STC1: variants seen among roughly 807,000 people sequenced by gnomAD.
The protein encoded by STC1 is stanniocalcin-1.
Under a neutral mutation model 22.6 loss-of-function variants are expected in STC1, and 7 were observed. That is an observed-to-expected ratio of 0.31 (90% CI 0.18 to 0.58). The LOEUF (loss-of-function observed/expected upper bound fraction) is 0.58. Ranked by LOEUF, STC1 falls within the 20% of genes least tolerant of loss-of-function variation. The pLI is 0.89. For synonymous variants in STC1, 113 were observed against 120.7 expected (o/e 0.94, Z 0.42); for missense variants, 224 against 311.0 (o/e 0.72, Z 2.10).
chr8:23,854,134 G>A, intron 1 of STC1: 1 of 1,272,342 alleles, frequency 7.9e-7, no homozygotes, highest in Non-Finnish European at 1.0e-6. Context: ...CCCCCTCCAA[G>A]AGGGTACGTG....
At chr8:23,848,556 A>G (rs1461561705) in intron 3 of STC1, among the ~76,000 whole-genome samples, 1 of 144,062 alleles carries the variant, frequency 6.9e-6, no homozygotes, top group African/African-American at 2.6e-5. Context: ...AAAAAAAAAA[A>G]GAAGAAGAAG....
intron 1 of STC1, 21 bp from the exon 2 acceptor site, chr8:23,852,405 C>T: frequency 6.4e-7 from 1 of 1,571,084 alleles, no homozygotes; most frequent in Non-Finnish European, 8.6e-7. Flanking sequence ...CAAATCCATC[C>T]ATTCTGGGTC....
rs1205494479 is a variant in STC1, at chr8:23,844,835, T to C, written c.679A>G (p.Arg227Gly). Reference protein sequence around the residue: ...NEPQKLKVLLRNLRGEEDSPS... With the variant: ...NEPQKLKVLLGNLRGEEDSPS... ...GAGTCCTCCTCACCTCGGAGGTTCC[T>C]GAGGAGGACTTTCAGCTTCTGCGGC... Residue 227 changes from arginine (R) to glycine (G), a missense_variant, in exon 4 of 4, where the codon AGG becomes GGG. By Grantham distance (125) the Arg-to-Gly change is moderately radical (BLOSUM62 -2). Coordinates refer to ENST00000290271, the MANE Select transcript of STC1 (RefSeq NM_003155.3). The C allele has an allele frequency of 6.2e-7, 1 of 1,614,014 alleles. No homozygotes were observed. Among genetic ancestry groups the C allele is most frequent in the East Asian group, 2.2e-5 (1 of 44,858 alleles).
At chr8:23,852,865 G>T (rs73553080) in intron 1 of STC1, among the ~76,000 whole-genome samples, 70 of 152,252 alleles carry the variant, frequency 4.6e-4, no homozygotes, top group African/African-American at 1.6e-3. Context: ...AGTCTAAATG[G>T]CAGAGAAGAC....
chr8:23,842,177 A>C lies in STC1; in HGVS notation c.*2593T>G, dbSNP rs1802518698. ...TCAGCCAAAAACCTAAATATCATTTAAATTATAAATACATAATGCAAATAT... is the reference window on the plus strand; with the variant it reads ...TCAGCCAAAAACCTAAATATCATTTCAATTATAAATACATAATGCAAATAT... On this transcript the variant is annotated 3_prime_UTR_variant, in exon 4 of 4. Coordinates refer to ENST00000290271, the MANE Select transcript of STC1 (RefSeq NM_003155.3). The C allele has an allele frequency of 6.6e-6, 1 of 152,620 alleles. No individual in the cohort carries two copies. Among genetic ancestry groups the C allele is most frequent in the Admixed American group, 6.5e-5 (1 of 15,282 alleles). The allele number at this position is 152,620 out of a possible 1,614,324, so 9.5% of individuals were successfully genotyped here.
rs1042777987 is a variant in STC1, at chr8:23,851,393, C to T, written c.400G>A (p.Val134Met). ...GGGTTCCGCTTGGCGATGCTGCACA[C>T]ATTCAGCTTGCTGTAGCACTCTTCC... ...VQEECYSKLN[V>M]CSIAKRNPEA... is the part of the protein sequence containing the mutation. Residue 134 changes from valine to methionine, a missense_variant, in exon 3 of 4, where the codon GTG becomes ATG. Physicochemically the swap from Val to Met is conservative, Grantham distance 21. Coordinates refer to ENST00000290271, the MANE Select transcript of STC1 (RefSeq NM_003155.3). The T allele has an allele frequency of 6.2e-7, 1 of 1,614,176 alleles. No homozygotes were observed. Among genetic ancestry groups the T allele is most frequent in the Non-Finnish European group, 8.5e-7 (1 of 1,180,046 alleles).
chr8:23,845,519 G>A, intron 3 of STC1, among the ~76,000 whole-genome samples: 1 of 151,886 alleles, frequency 6.6e-6, no homozygotes, highest in East Asian at 1.9e-4. Context: ...ATGCTTTTTT[G>A]TAATTTTCCT....
chr8:23,843,531 T>C lies in STC1; in HGVS notation c.*1239A>G, dbSNP rs1802538953. On this transcript the variant is annotated 3_prime_UTR_variant, in exon 4 of 4. Coordinates refer to ENST00000290271, the MANE Select transcript of STC1 (RefSeq NM_003155.3). ...TAATGGAAAGTCTCCCACCCCATCA[T>C]CATTTGCCAGAGTACCAGGCACCGA... 2.6e-5 allele frequency: 4 copies of C among 152,738 alleles called. No individual in the cohort carries two copies. The allele number at this position is 152,738 out of a possible 1,614,324, so 9.5% of individuals were successfully genotyped here. A position where few individuals can be genotyped will look rare whatever the true frequency, so the allele number is the denominator to read the frequency against.
At chr8:23,851,112 TC>T (rs1404001740) in intron 3 of STC1, among the ~76,000 whole-genome samples, 1 of 151,960 alleles carries the variant, frequency 6.6e-6, no homozygotes, top group Non-Finnish European at 1.5e-5. Flanking sequence ...AAAAGACTTT[TC>T]CTATAACAGT....
Position 23,848,645 on chromosome 8 carries a change from C to A in STC1, c.473+2675G>T, listed in dbSNP as rs142599815. 3.1e-3 allele frequency among the ~76,000 whole-genome samples: 470 copies of A among 151,674 alleles called. 1 individual carries two copies. Among genetic ancestry groups the A allele is most frequent in the African/African-American group, 0.011 (454 of 41,406 alleles). On this transcript the variant is annotated intron_variant, in intron 3 of 3. Coordinates refer to ENST00000290271, the MANE Select transcript of STC1 (RefSeq NM_003155.3). ...TGGACTAAGTGTTCTGATCACCCAG[C>A]CCGAAAGGACCTTTTTAATTATGTT...
chr8:23,854,461 C>G lies in STC1; in HGVS notation c.63G>C (p.Ala21=). The G allele has an allele frequency of 2.5e-6, 4 of 1,614,176 alleles. No individual in the cohort carries two copies. The highest frequency in any genetic ancestry group is 3.4e-6 in the Non-Finnish European group (4 of 1,180,040). Residue 21 remains alanine, a synonymous_variant, in exon 1 of 4, where the codon GCG becomes GCC. Coordinates refer to ENST00000290271, the MANE Select transcript of STC1 (RefSeq NM_003155.3). Reference sequence around the variant, plus strand: ...TGGGGCTCACAGAGTCATTCTGCTCCGCCTCATGGGTTGCAGAAGCACTGA... The same window carrying G: ...TGGGGCTCACAGAGTCATTCTGCTCGGCCTCATGGGTTGCAGAAGCACTGA... ...LVISASATHE[A]EQNDSVSPRK...
chr8:23,849,473 A>G (rs1802611063), intron 3 of STC1, among the ~76,000 whole-genome samples: 1 of 152,154 alleles, frequency 6.6e-6, no homozygotes, highest in Non-Finnish European at 1.5e-5. Context: ...AGATAAGAAG[A>G]CTTTCTTTGT....
Position 23,845,799 on chromosome 8 carries a change from G to T in STC1, c.474-759C>A, listed in dbSNP as rs1429212597. ...AATGGAAATATTGGTGGTTTTTAAG[G>T]GTTCATGCTACTATAATTCATGAAT... On this transcript the variant is annotated intron_variant, in intron 3 of 3. Transcript: ENST00000290271. Among the ~76,000 whole-genome samples, 3 of 152,070 alleles carry T rather than the reference G, an allele frequency of 2.0e-5. No homozygotes were observed. In the East Asian group the frequency reaches 5.8e-4, roughly 29 times the overall value.
At chr8:23,848,876 C>T (rs2117740900) in intron 3 of STC1, among the ~76,000 whole-genome samples, 1 of 152,308 alleles carries the variant, frequency 6.6e-6, no homozygotes, top group East Asian at 1.9e-4. Context: ...CCTATCCATG[C>T]CCTAGAGAGT....
At chr8:23,846,077 A>G (rs901895542) in intron 3 of STC1, among the ~76,000 whole-genome samples, 2 of 152,192 alleles carry the variant, frequency 1.3e-5, no homozygotes, top group Non-Finnish European at 2.9e-5. Flanking sequence ...ATGGAGTTTT[A>G]AGAATATAAT....
intron 3 of STC1, among the ~76,000 whole-genome samples, chr8:23,845,668 A>G (rs962155163): frequency 1.3e-5 from 2 of 152,102 alleles, no homozygotes; most frequent in African/African-American, 4.8e-5. Flanking sequence ...CCCTTATCAC[A>G]TACTTGGACA....
In STC1 at chr8:23,845,088, G is replaced by A. The variant is rs367911746; in HGVS notation, c.474-48C>T. 36 of 1,593,338 alleles carry A rather than the reference G, an allele frequency of 2.3e-5. No individual in the cohort carries two copies. In the African/African-American group the frequency reaches 3.5e-4, roughly 15 times the overall value. ...TATGGTGGTCACCCAGTGAGAGCCCGGCGAGACCCAGGCTTTCACCCGGGC... is the reference window on the plus strand; with the variant it reads ...TATGGTGGTCACCCAGTGAGAGCCCAGCGAGACCCAGGCTTTCACCCGGGC... On this transcript the variant is annotated intron_variant, in intron 3 of 3. Transcript: ENST00000290271.
chr8:23,851,090 A>G (rs1483234316), intron 3 of STC1, among the ~76,000 whole-genome samples: 1 of 152,010 alleles, frequency 6.6e-6, no homozygotes, highest in Non-Finnish European at 1.5e-5. Flanking sequence ...CTGGCTTTCT[A>G]TGAGCTGCAT....
In STC1 at chr8:23,845,075, C is replaced by T. The variant is rs548827873; in HGVS notation, c.474-35G>A. The T allele has an allele frequency of 1.4e-5, 23 of 1,603,006 alleles. No individual in the cohort carries two copies. In the African/African-American group the frequency reaches 2.9e-4, roughly 21 times the overall value. The stretch of plus-strand genomic sequence containing the variant: ...GAAAGAGAGTGCATATGGTGGTCAC[C>T]CAGTGAGAGCCCGGCGAGACCCAGG... On this transcript the variant is annotated intron_variant, in intron 3 of 3. Coordinates refer to ENST00000290271, the MANE Select transcript of STC1 (RefSeq NM_003155.3).
Sources: gnomAD v4.1 joint callset for allele counts (sites outside exome capture counted in the v4.1 genomes callset) on GRCh38, gnomAD v4.1.1 for gene constraint, MANE v1.5 for transcripts, NCBI Gene and HGNC (gene_info 2026-07-23, HGNC 2026-07-21) for gene names.